The following DNAJC24 variants were observed in gnomAD, a reference collection of about 807,000 sequenced individuals.
DNAJC24 encodes DnaJ heat shock protein family (Hsp40) member C24.
DNAJC24 carries 17 observed loss-of-function variants against 18.0 expected under a neutral mutation model. The observed-to-expected ratio is 0.94, with a 90% CI of 0.65 to 1.42. The LOEUF (loss-of-function observed/expected upper bound fraction) is 1.42, where lower values mean the gene tolerates loss of function less well. Among genes scored for constraint, DNAJC24 ranks in the 40% most tolerant of loss-of-function variants. The pLI is 0.00. For synonymous variants in DNAJC24, 55 were observed against 57.7 expected (o/e 0.95, Z 0.21); for missense variants, 158 against 175.6 (o/e 0.90, Z 0.57).
intron 2 of DNAJC24, among the ~76,000 whole-genome samples, chr11:31,394,918 A>G (rs1041150999): frequency 4.6e-5 from 7 of 152,224 alleles, no homozygotes; most frequent in African/African-American, 1.7e-4. Flanking sequence ...TTGTTATAAC[A>G]TTATTGCAGG....
At chr11:31,424,853 G>A (rs549171721) in intron 3 of DNAJC24, among the ~76,000 whole-genome samples, 1 of 152,174 alleles carries the variant, frequency 6.6e-6, no homozygotes, top group East Asian at 1.9e-4. Context: ...ATTAAATTGA[G>A]GGCATTCATG....
chr11:31,408,607 CAG>C (rs1200024929), intron 2 of DNAJC24, among the ~76,000 whole-genome samples: 1 of 152,146 alleles, frequency 6.6e-6, no homozygotes, highest in East Asian at 1.9e-4. Flanking sequence ...ATTTAGAAAA[CAG>C]ATAACACATA....
intron 2 of DNAJC24, among the ~76,000 whole-genome samples, chr11:31,383,905 G>A (rs533664866): frequency 1.3e-5 from 2 of 152,268 alleles, no homozygotes; most frequent in Admixed American, 1.3e-4. Flanking sequence ...CCTCTATAAT[G>A]TATGTAATTA....
At chr11:31,394,868 A>G (rs1328423775) in intron 2 of DNAJC24, among the ~76,000 whole-genome samples, 1 of 152,038 alleles carries the variant, frequency 6.6e-6, no homozygotes, top group Non-Finnish European at 1.5e-5. Flanking sequence ...ATTAAAATAC[A>G]AAAAAAAGTA....
intron 2 of DNAJC24, among the ~76,000 whole-genome samples, chr11:31,376,505 G>A (rs995114900): frequency 6.6e-6 from 1 of 152,172 alleles, no homozygotes; most frequent in Non-Finnish European, 1.5e-5. Flanking sequence ...ATTGTACTTA[G>A]CAGTTTACAA....
intron 2 of DNAJC24, among the ~76,000 whole-genome samples, chr11:31,390,810 C>G (rs1340391192): frequency 6.6e-6 from 1 of 151,800 alleles, no homozygotes; most frequent in Non-Finnish European, 1.5e-5. Flanking sequence ...AATACCAATC[C>G]TACTACACTA....
intron 3 of DNAJC24, among the ~76,000 whole-genome samples, chr11:31,424,228 CTT>C (rs923776400): frequency 5.9e-5 from 9 of 152,218 alleles, no homozygotes; most frequent in East Asian, 3.9e-4. Flanking sequence ...CATTATTTCT[CTT>C]GTCTGATTTG....
intron 3 of DNAJC24, 90 bp downstream of exon 3, chr11:31,415,039 G>T: frequency 7.0e-7 from 1 of 1,418,540 alleles, no homozygotes. Context: ...TCCAGCATTT[G>T]CACCAAGTGT....
intron 3 of DNAJC24, among the ~76,000 whole-genome samples, chr11:31,420,228 C>T (rs959731817): frequency 3.3e-5 from 5 of 152,030 alleles, no homozygotes; most frequent in African/African-American, 1.2e-4. Flanking sequence ...GTTTATACTG[C>T]TTGTTATTAA....
chr11:31,393,349 A>G (rs769315659), intron 2 of DNAJC24, among the ~76,000 whole-genome samples: 1 of 152,164 alleles, frequency 6.6e-6, no homozygotes, highest in Non-Finnish European at 1.5e-5. Flanking sequence ...GGGTATGGCA[A>G]TAGAGAAGAG....
chr11:31,415,407 A>G (rs1036200346), intron 3 of DNAJC24: 4 of 152,510 alleles, frequency 2.6e-5, no homozygotes, highest in South Asian at 4.1e-4. Context: ...GATTATCTTC[A>G]TGATAAACTA....
At chr11:31,378,352 T>C (rs878909007) in intron 2 of DNAJC24, among the ~76,000 whole-genome samples, 2 of 148,054 alleles carry the variant, frequency 1.4e-5, no homozygotes, top group Admixed American at 1.3e-4. Context: ...TAAATAGTTA[T>C]GTCATAGGGA....
At chr11:31,429,533 TA>T in intron 4 of DNAJC24, 1 of 384,968 alleles carries the variant, frequency 2.6e-6, no homozygotes, top group Non-Finnish European at 5.6e-6. Context: ...AGAGATTCTT[TA>T]AGTCAAAGGG....
At chr11:31,425,018 C>T (rs1952847340) in intron 3 of DNAJC24, among the ~76,000 whole-genome samples, 1 of 151,650 alleles carries the variant, frequency 6.6e-6, no homozygotes, top group Admixed American at 6.6e-5. Context: ...ACAATACAAG[C>T]ATACAGGAAA....
intron 2 of DNAJC24, among the ~76,000 whole-genome samples, chr11:31,405,780 A>C (rs572260441): frequency 6.6e-6 from 1 of 152,232 alleles, no homozygotes; most frequent in East Asian, 1.9e-4. Flanking sequence ...AATGAAAAAA[A>C]ATTTATTGGC....
At chr11:31,372,640 G>A (rs1255816985) in intron 2 of DNAJC24, among the ~76,000 whole-genome samples, 1 of 135,758 alleles carries the variant, frequency 7.4e-6, no homozygotes, top group African/African-American at 2.5e-5. Flanking sequence ...CACATAATAT[G>A]TAGTATCTGT....
chr11:31,399,559 G>A (rs1355603353), intron 2 of DNAJC24, among the ~76,000 whole-genome samples: 2 of 151,384 alleles, frequency 1.3e-5, no homozygotes, highest in African/African-American at 2.4e-5. Context: ...GAGTACAGGC[G>A]CACGCCATCA....
At chr11:31,421,120 A>G (rs1277723375) in intron 3 of DNAJC24, among the ~76,000 whole-genome samples, 1 of 152,172 alleles carries the variant, frequency 6.6e-6, no homozygotes, top group Non-Finnish European at 1.5e-5. Context: ...CAGGCTTCCA[A>G]TTAAATGTTG....
Position 31,431,813 on chromosome 11 carries a change from C to G in DNAJC24, c.*1412C>G, listed in dbSNP as rs1164518867. ...GGCTACAGAGAGCAAGACTCTGTCT[C>G]AAAAAAAATAAAATAAAATAAATAA... On this transcript the variant is annotated 3_prime_UTR_variant, in exon 5 of 5. Coordinates refer to ENST00000465995, the MANE Select transcript of DNAJC24 (RefSeq NM_181706.5). 1 of 144,900 alleles carries G rather than the reference C, an allele frequency of 6.9e-6. No homozygotes were observed. The highest frequency in any genetic ancestry group is 1.5e-5 in the Non-Finnish European group (1 of 65,330). 9.0% of individuals were successfully genotyped at this position (144,900 alleles called of 1,614,324 possible). A position where few individuals can be genotyped will look rare whatever the true frequency, so the allele number is the denominator to read the frequency against.
Sources: allele counts gnomAD v4.1 joint callset (sites outside exome capture counted in the v4.1 genomes callset), GRCh38; gene constraint gnomAD v4.1.1; transcripts MANE v1.5; gene names NCBI Gene and HGNC (gene_info 2026-07-23, HGNC 2026-07-21).